The following SYNE2 variants were observed in gnomAD, a reference collection of about 807,000 sequenced individuals.
The protein encoded by SYNE2 is spectrin repeat containing nuclear envelope protein 2.
SYNE2 carries 431 observed loss-of-function variants against 856.3 expected under a neutral mutation model. The ratio of observed to expected loss-of-function variants is 0.50; its 90% CI spans 0.47 to 0.55. SYNE2 has a LOEUF of 0.55. Ranked by LOEUF, SYNE2 falls within the 20% of genes least tolerant of loss-of-function variation. The probability of loss-of-function intolerance (pLI) is 0.00; values close to 1 mark genes in which losing one functional copy is unlikely to be tolerated. For missense variants in SYNE2, 8,129 were observed against 8,023.2 expected, an observed-to-expected ratio of 1.01 and a Z score of -0.50; for synonymous variants, 2,923 against 2,872.3, an observed-to-expected ratio of 1.02 and a Z score of -0.56.
chr14:63,972,696 C>T (rs747807085), intron 11 of SYNE2, among the ~76,000 whole-genome samples: 15 of 152,066 alleles, frequency 9.9e-5, no homozygotes, highest in Non-Finnish European at 1.5e-4. Flanking sequence ...AGAAGAGGAA[C>T]GAAAGGTAAA....
At chr14:64,121,964 A>T in intron 68 of SYNE2, 48 bp from the exon 69 acceptor site, 1 of 1,610,858 alleles carries the variant, frequency 6.2e-7, no homozygotes, top group Non-Finnish European at 8.5e-7. Context: ...GTGGGTACTA[A>T]TCGAAAAGCT....
rs2139851269 is a variant in SYNE2 at position 63,817,313 on chromosome 14, C to A, written c.-304-35188C>A. Among the ~76,000 whole-genome samples the A allele has an allele frequency of 1.3e-5, 2 of 151,878 alleles. 1 individual carries two copies. Among genetic ancestry groups the A allele is most frequent in the Middle Eastern group, 6.8e-3 (2 of 294 alleles). ...CTGTCTCTACAAAAAAACACACACA[C>A]AAAATTAGCTGGGCACGGTGGCATG... On this transcript the variant is annotated intron_variant, in intron 1 of 23. Coordinates refer to the SYNE2 transcript ENST00000674003.
rs112071840 is a variant in SYNE2 at position 64,053,854 on chromosome 14, A to G, written c.9744+197A>G. On this transcript the variant is annotated intron_variant, in intron 48 of 115. Transcript: ENST00000555002. Reference sequence around the variant, plus strand: ...TATGGTGGCACATGGTTGTAATCCCAGCTACTCAGGAGGCTGAGGTACAAG... The same window carrying G: ...TATGGTGGCACATGGTTGTAATCCCGGCTACTCAGGAGGCTGAGGTACAAG... Among the ~76,000 whole-genome samples the G allele has an allele frequency of 0.098, 14,852 of 152,156 alleles. 1,393 individuals carry two copies. The highest frequency in any genetic ancestry group is 0.25 in the African/African-American group (10,217 of 41,472).
rs2095495491 is a variant in SYNE2 at position 63,913,331 on chromosome 14, G to A, written c.79+4104G>A. On this transcript the variant is annotated intron_variant, in intron 2 of 115. Transcript: ENST00000555002. Reference sequence around the variant, plus strand: ...GAATGGTTAGGAAGAGAAAGGAATGGTATTTATGAATTTGAGTGGGTTTCT... The same window carrying A: ...GAATGGTTAGGAAGAGAAAGGAATGATATTTATGAATTTGAGTGGGTTTCT... Among the ~76,000 whole-genome samples, 3 of 152,040 alleles carry A rather than the reference G, an allele frequency of 2.0e-5. No homozygotes were observed. The South Asian group carries it at 6.2e-4, about 32-fold the overall frequency.
Position 64,163,487 on chromosome 14 carries a change from C to G in SYNE2, c.16385C>G (p.Ser5462Cys). 1 of 1,614,186 alleles carries G rather than the reference C, an allele frequency of 6.2e-7. No homozygotes were observed. The highest frequency in any genetic ancestry group is 8.5e-7 in the Non-Finnish European group (1 of 1,180,036). Residue 5462 changes from serine to cysteine, a missense_variant, in exon 89 of 116, where the codon TCC becomes TGC. Physicochemically the swap from Ser to Cys is moderately radical, Grantham distance 112 (BLOSUM62 -1). Coordinates refer to ENST00000555002, the MANE Select transcript of SYNE2 (RefSeq NM_182914.3). ...VLDRLPQPAE[S>C]STHMLLPGPL... is the part of the protein sequence containing the mutation. ...GATCGACTCCCACAACCCGCAGAGT[C>G]CAGCACCCACATGCTCCTCCCGGGC...
rs1424978394 is a variant in SYNE2 at position 64,226,195 on chromosome 14, A to AT, written c.*671dup. On this transcript the variant is annotated 3_prime_UTR_variant, in exon 116 of 116. Transcript: ENST00000555002. ...TAAACTTCGATTTTTTTTTAAAAAA[A>AT]TTAGATTTTAGCTGGAGCTTTTGAC... 1 of 152,744 alleles carries AT rather than the reference A, an allele frequency of 6.5e-6. No individual in the cohort carries two copies. The highest frequency in any genetic ancestry group is 1.5e-5 in the Non-Finnish European group (1 of 68,134). The allele number at this position is 152,744 out of a possible 1,614,324, so 9.5% of individuals were successfully genotyped here.
intron 59 of SYNE2, among the ~76,000 whole-genome samples, chr14:64,090,563 C>T (rs71416323): frequency 6.6e-6 from 1 of 152,016 alleles, no homozygotes; most frequent in African/African-American, 2.4e-5. Context: ...TTGCTCACTG[C>T]CTAGTGACAA....
At chr14:63,817,329 C>T (rs922141533) in intron 1 of SYNE2, among the ~76,000 whole-genome samples, 8 of 151,920 alleles carry the variant, frequency 5.3e-5, no homozygotes, top group South Asian at 2.1e-4. Flanking sequence ...TAGCTGGGCA[C>T]GGTGGCATGT....
chr14:63,904,869 AG>A lies in SYNE2; in HGVS notation c.-51-4228del, dbSNP rs768891354. Among the ~76,000 whole-genome samples, 31 of 152,264 alleles carry A rather than the reference AG, an allele frequency of 2.0e-4. 1 individual carries two copies. Among genetic ancestry groups the A allele is most frequent in the Non-Finnish European group, 4.0e-4 (27 of 68,036 alleles). ...TTTTGCTTTTGGAGACTTAGCCAAA[AG>A]TTCTTTGTCACGGCTTATGTTGAGA... On this transcript the variant is annotated intron_variant, in intron 1 of 115. Transcript: ENST00000555002.
chr14:64,183,244 C>T (rs1240596724), intron 96 of SYNE2, among the ~76,000 whole-genome samples: 8 of 148,898 alleles, frequency 5.4e-5, no homozygotes, highest in Non-Finnish European at 1.2e-4. Flanking sequence ...TCAGACGGGG[C>T]GGCCGGGCAG....
At chr14:64,129,320 T>G (rs2097986799) in intron 74 of SYNE2, among the ~76,000 whole-genome samples, 1 of 152,118 alleles carries the variant, frequency 6.6e-6, no homozygotes, top group African/African-American at 2.4e-5. Flanking sequence ...AATAAATAAA[T>G]AAATAAGTCA....
At position 63,810,027 on chromosome 14, in the gene SYNE2, G is replaced by T. The variant is rs190239234; in HGVS notation, c.-304-42474G>T. On this transcript the variant is annotated intron_variant, in intron 1 of 23. Transcript: ENST00000674003. ...ATCTTAAGGCCAGGGTTCAAAATCA[G>T]CCTGGGCAACTTAGCCAGACACTGT... is the stretch of plus-strand genomic sequence containing the variant. Among the ~76,000 whole-genome samples, 223 of 152,198 alleles carry T rather than the reference G, an allele frequency of 1.5e-3. 1 individual carries two copies. Among genetic ancestry groups the T allele is most frequent in the Non-Finnish European group, 1.6e-3 (110 of 68,024 alleles).
In SYNE2 at chr14:64,219,104, G is replaced by GTTTTTTTTT. The variant is rs528002229; in HGVS notation, c.19658-92_19658-84dup. ...CAGGGGAATCCCCTACAGTTTTTTT[G>GTTTTTTTTT]TTTTTTTTTTTTTTTTTTTTAACCA... On this transcript the variant is annotated intron_variant, in intron 109 of 115. Transcript: ENST00000555002. The GTTTTTTTTT allele has an allele frequency of 3.0e-3, 1,242 of 408,540 alleles. 195 individuals are homozygous for GTTTTTTTTT. Among genetic ancestry groups the GTTTTTTTTT allele is most frequent in the East Asian group, 0.025 (434 of 17,028 alleles). 25.3% of individuals were successfully genotyped at this position (408,540 alleles called of 1,614,324 possible).
chr14:64,146,018 C>G, intron 83 of SYNE2, 50 bp from the exon 84 acceptor site: 1 of 1,362,078 alleles, frequency 7.3e-7, no homozygotes, highest in Non-Finnish European at 9.9e-7. Flanking sequence ...TGGCATTTAC[C>G]TTTTAAAACA....
chr14:64,185,179 GC>G (rs1183918899), intron 96 of SYNE2, among the ~76,000 whole-genome samples: 1 of 152,154 alleles, frequency 6.6e-6, no homozygotes, highest in East Asian at 1.9e-4. Context: ...GATCACTTGA[GC>G]CCAAGAGGTC....
intron 1 of SYNE2, among the ~76,000 whole-genome samples, chr14:63,814,789 CATATATATCCATATATATCCAT>C (rs1464331664): frequency 6.6e-5 from 4 of 60,920 alleles, no homozygotes; most frequent in African/African-American, 2.4e-4. Context: ...CATATATATC[CATATATATCCATATATATCCAT>C]ATATATATCC....
At chr14:63,785,149 T>A (rs1337593374) in intron 1 of SYNE2, among the ~76,000 whole-genome samples, 2 of 152,128 alleles carry the variant, frequency 1.3e-5, no homozygotes, top group African/African-American at 2.4e-5. Flanking sequence ...CCACCTTACT[T>A]TCACCCTTAA....
At chr14:64,156,834 C>T (rs2098290384) in intron 85 of SYNE2, among the ~76,000 whole-genome samples, 1 of 152,154 alleles carries the variant, frequency 6.6e-6, no homozygotes, top group Non-Finnish European at 1.5e-5. Flanking sequence ...ACATTCAGTC[C>T]ACATAGTTGC....
intron 6 of SYNE2, among the ~76,000 whole-genome samples, chr14:63,946,690 A>G (rs985695912): frequency 6.7e-6 from 1 of 148,724 alleles, no homozygotes; most frequent in Non-Finnish European, 1.5e-5. Flanking sequence ...ATTACAGTAT[A>G]ACATAATATA....
Sources: allele counts gnomAD v4.1 joint callset (sites outside exome capture counted in the v4.1 genomes callset), GRCh38; gene constraint gnomAD v4.1.1; transcripts MANE v1.5; gene names NCBI Gene and HGNC (gene_info 2026-07-23, HGNC 2026-07-21).